The following VCAN variants were observed in gnomAD, a reference collection of about 807,000 sequenced individuals.
VCAN encodes versican.
In VCAN, 44 loss-of-function variants were observed where a neutral mutation model predicts 245.5. The ratio of observed to expected loss-of-function variants is 0.18; its 90% CI spans 0.14 to 0.23. The LOEUF (loss-of-function observed/expected upper bound fraction) is 0.23. Among genes scored for constraint, VCAN ranks in the 10% least tolerant of loss-of-function variants. The probability of loss-of-function intolerance (pLI) is 1.00; values close to 1 mark genes in which losing one functional copy is unlikely to be tolerated. For synonymous variants in VCAN, 1,413 were observed against 1,437.0 expected (o/e 0.98, Z 0.38); for missense variants, 3,793 against 4,057.9 (o/e 0.93, Z 1.77).
At chr5:83,574,059 C>CTTGT (rs1350148849) in intron 13 of VCAN, among the ~76,000 whole-genome samples, 10 of 152,116 alleles carry the variant, frequency 6.6e-5, no homozygotes, top group African/African-American at 2.4e-4. Flanking sequence ...GTGTGTAAGT[C>CTTGT]CTGGAATCCA....
chr5:83,541,898 A>C lies in VCAN; in HGVS notation c.8895A>C (p.Glu2965Asp). 1 of 1,614,048 alleles carries C rather than the reference A, an allele frequency of 6.2e-7. No individual in the cohort carries two copies. The highest frequency in any genetic ancestry group is 2.2e-5 in the East Asian group (1 of 44,856). ...EAGTVITTAD[E>D]IELEGATQWP... ...GAACTGTTATTACAACTGCCGATGAAATTGAATTAGAAGGTGCTACACAGT... is the reference window on the plus strand; with the variant it reads ...GAACTGTTATTACAACTGCCGATGACATTGAATTAGAAGGTGCTACACAGT... Residue 2965 changes from glutamate (E) to aspartate (D), a missense_variant, in exon 8 of 15, where the codon GAA (glutamate) becomes GAC (aspartate). Glu to Asp is a conservative substitution (Grantham distance 45). Coordinates refer to ENST00000265077, the MANE Select transcript of VCAN (RefSeq NM_004385.5).
At chr5:83,476,812 T>C (rs973454471) in intron 1 of VCAN, among the ~76,000 whole-genome samples, 12 of 152,156 alleles carry the variant, frequency 7.9e-5, no homozygotes, top group Non-Finnish European at 1.8e-4. Context: ...GTGTCAGTTC[T>C]GTTTCCTGAA....
chr5:83,552,763 T>A (rs984116637), intron 10 of VCAN, among the ~76,000 whole-genome samples: 5 of 152,152 alleles, frequency 3.3e-5, no homozygotes, highest in Non-Finnish European at 7.3e-5. Context: ...TCATTGGGCA[T>A]TACCTATCTT....
Position 83,520,768 on chromosome 5 carries a change from C to T in VCAN, c.2462C>T (p.Ser821Leu), listed in dbSNP as rs1280429365. The T allele has an allele frequency of 6.2e-7, 1 of 1,614,138 alleles. No homozygotes were observed. The highest frequency in any genetic ancestry group is 1.1e-5 in the South Asian group (1 of 91,082). The change falls in exon 7 of 15, where the codon TCA (serine) becomes TTA (leucine). Residue 821 changes from serine (S) to leucine (L), a missense_variant. This residue lies in a region of VCAN where 3,182 missense variants were observed against 3,250.3 expected (regional missense o/e 0.98). Coordinates refer to ENST00000265077, the MANE Select transcript of VCAN (RefSeq NM_004385.5). ...TSKPLESTEP[S>L]ASSKLPPALL... is the part of the protein sequence containing the mutation. ...AAGCCTTTAGAGTCTACAGAACCTT[C>T]AGCCTCTTCAAAATTGCCCCCTGCC...
At position 83,490,334 on chromosome 5, in the gene VCAN, G is replaced by T. The variant is rs1372188730; in HGVS notation, c.307G>T (p.Val103Leu). The change falls in exon 3 of 15, where the codon GTG becomes TTG. Residue 103 changes from valine (V) to leucine (L), a missense_variant. Val to Leu is a conservative substitution (Grantham distance 32). Transcript: ENST00000265077. ...IGQDYKGRVSVPTHPEAVGDA... is the reference protein window; with the variant it reads ...IGQDYKGRVSLPTHPEAVGDA... ...TCAGGACTACAAAGGGAGAGTGTCTGTGCCCACACATCCCGAGGCTGTGGG... is the reference window on the plus strand; with the variant it reads ...TCAGGACTACAAAGGGAGAGTGTCTTTGCCCACACATCCCGAGGCTGTGGG... 6.2e-7 allele frequency: 1 copy of T among 1,614,224 alleles called. No individual in the cohort carries two copies. The highest frequency in any genetic ancestry group is 8.5e-7 in the Non-Finnish European group (1 of 1,180,044).
intron 6 of VCAN, among the ~76,000 whole-genome samples, chr5:83,518,226 A>T (rs952411720): frequency 2.8e-5 from 4 of 144,436 alleles, no homozygotes; most frequent in Non-Finnish European, 3.0e-5. Context: ...TTTTATTTTT[A>T]AAAATACTGA....
chr5:83,526,905 T>G (rs1746321447), intron 7 of VCAN, among the ~76,000 whole-genome samples: 1 of 152,198 alleles, frequency 6.6e-6, no homozygotes, highest in African/African-American at 2.4e-5. Context: ...ATGTTTAAAC[T>G]TCAAAGATAA....
intron 13 of VCAN, among the ~76,000 whole-genome samples, chr5:83,572,874 T>C (rs1025309666): frequency 6.8e-6 from 1 of 147,152 alleles, no homozygotes; most frequent in African/African-American, 2.5e-5. Flanking sequence ...TATTTATTTA[T>C]TTATTTATTT....
chr5:83,479,118 A>G (rs543773684), intron 1 of VCAN, among the ~76,000 whole-genome samples: 1 of 152,126 alleles, frequency 6.6e-6, no homozygotes, highest in Non-Finnish European at 1.5e-5. Flanking sequence ...TCTGCTGTAC[A>G]ATGATTCTTT....
intron 13 of VCAN, among the ~76,000 whole-genome samples, chr5:83,576,995 A>G (rs1033328359): frequency 1.3e-5 from 2 of 152,110 alleles, no homozygotes; most frequent in Non-Finnish European, 2.9e-5. Flanking sequence ...ATATGTTGCA[A>G]ATATCTTCTC....
intron 1 of VCAN, among the ~76,000 whole-genome samples, chr5:83,475,794 T>A (rs1744367172): frequency 6.6e-6 from 1 of 152,182 alleles, no homozygotes; most frequent in African/African-American, 2.4e-5. Context: ...GTGAGAAGAT[T>A]AGGTAGGAAG....
chr5:83,512,740 C>T (rs1489303714), intron 6 of VCAN: 1 of 188,390 alleles, frequency 5.3e-6, no homozygotes, highest in Non-Finnish European at 1.1e-5. Context: ...ATGCCAAGGC[C>T]AACTGAGGCT....
rs1339229093 is a variant in VCAN, at chr5:83,570,036, G to GA, written c.9736-2371dup. Among the ~76,000 whole-genome samples, 6 of 149,788 alleles carry GA rather than the reference G, an allele frequency of 4.0e-5. No individual in the cohort carries two copies. The South Asian group carries it at 6.4e-4, about 16-fold the overall frequency. On this transcript the variant is annotated intron_variant, in intron 12 of 14. Coordinates refer to ENST00000265077, the MANE Select transcript of VCAN (RefSeq NM_004385.5). The stretch of plus-strand genomic sequence containing the variant: ...AGGGATGATAAGGGAAATGAGCAAA[G>GA]AAAAAAAAAGGGAAATAATTAGAAA...
Position 83,545,588 on chromosome 5 carries a change from C to T in VCAN, c.9317C>T (p.Pro3106Leu), listed in dbSNP as rs372560857. The stretch of plus-strand genomic sequence containing the variant: ...TGCCTTAACGGAGGCACCTGTTATC[C>T]TACTGAAACTTCCTACGTATGCACC... ...NPCLNGGTCY[P>L]TETSYVCTCV... The change falls in exon 9 of 15, where the codon CCT (proline) becomes CTT (leucine). Residue 3106 changes from proline (P) to leucine (L), a missense_variant. Transcript: ENST00000265077. 6.2e-7 allele frequency: 1 copy of T among 1,613,996 alleles called. No homozygotes were observed. The highest frequency in any genetic ancestry group is 1.3e-5 in the African/African-American group (1 of 74,926).
chr5:83,539,996 A>T lies in VCAN; in HGVS notation c.6993A>T (p.Thr2331=). The part of the protein sequence containing the change: ...FEGSGSVTST[T]LIEILSDTGA... ...GTAGTGGGTCAGTAACCAGCACAAC[A>T]TTAATAGAAATTTTAAGTGACACTG... The change falls in exon 8 of 15, where the codon ACA becomes ACT. Residue 2331 remains threonine (T), a synonymous_variant. Transcript: ENST00000265077. 6.2e-7 allele frequency: 1 copy of T among 1,614,088 alleles called. No homozygotes were observed. The highest frequency in any genetic ancestry group is 8.5e-7 in the Non-Finnish European group (1 of 1,179,984).
chr5:83,566,718 C>G (rs1748090966), intron 12 of VCAN, among the ~76,000 whole-genome samples: 1 of 152,154 alleles, frequency 6.6e-6, no homozygotes, highest in African/African-American at 2.4e-5. Flanking sequence ...ATTGAGGTCA[C>G]TCTCTGAGGG....
chr5:83,543,308 G>A (rs1747075522), intron 8 of VCAN, among the ~76,000 whole-genome samples: 1 of 152,088 alleles, frequency 6.6e-6, no homozygotes, highest in African/African-American at 2.4e-5. Flanking sequence ...TCCACAAATA[G>A]ACATCACCAC....
chr5:83,497,739 G>C (rs1374847575), intron 5 of VCAN, among the ~76,000 whole-genome samples: 2 of 152,066 alleles, frequency 1.3e-5, no homozygotes, highest in African/African-American at 2.4e-5. Flanking sequence ...TTTTAAGGTA[G>C]AGTTGAGATG....
chr5:83,483,006 G>A (rs2112341668), intron 1 of VCAN, among the ~76,000 whole-genome samples: 2 of 152,324 alleles, frequency 1.3e-5, no homozygotes, highest in South Asian at 4.1e-4. Flanking sequence ...TTATGTGCAT[G>A]AACCACCAAT....
Sources: allele counts gnomAD v4.1 joint callset (sites outside exome capture counted in the v4.1 genomes callset), GRCh38; gene constraint gnomAD v4.1.1; regional missense constraint gnomAD v4.1.1; transcripts MANE v1.5; gene names NCBI Gene and HGNC (gene_info 2026-07-23, HGNC 2026-07-21).